SHOX: variants seen among roughly 807,000 people sequenced by gnomAD.
SHOX encodes short stature homeobox protein.
Under a neutral mutation model 29.6 loss-of-function variants are expected in SHOX, and 12 were observed. The observed-to-expected ratio is 0.41, with a 90% CI of 0.26 to 0.66. The LOEUF is 0.66. Among genes scored for constraint, SHOX ranks in the 30% least tolerant of loss-of-function variants. The pLI is 0.35. For missense variants in SHOX, 499 were observed against 437.7 expected, an observed-to-expected ratio of 1.14 and a Z score of -1.25; for synonymous variants, 214 against 200.6, an observed-to-expected ratio of 1.07 and a Z score of -0.57.
At chrX:640,720 A>T (rs1394361924) in intron 2 of SHOX, 101 bp from the exon 3 acceptor site, 7 of 1,317,648 alleles carry the variant, frequency 5.3e-6, no homozygotes, top group Non-Finnish European at 7.7e-6. Flanking sequence ...CAGCTCCCAG[A>T]GGTGCAAAGT....
At chrX:655,596 CTCTCTCTCTCTCTCTCTCTATATATATA>C (rs1347890192), downstream of SHOX, among the ~76,000 whole-genome samples, 83 of 68,770 alleles carry the variant, frequency 1.2e-3, no homozygotes, top group Middle Eastern at 6.7e-3. Context: ...CTCTCTCTCT[CTCTCTCTCTCTCTCTCTCTATATATATA>C]TATATATATA....
At chrX:630,313 C>CT (rs757518095), upstream of SHOX, among the ~76,000 whole-genome samples, 7 of 150,960 alleles carry the variant, frequency 4.6e-5, no homozygotes, top group African/African-American at 1.7e-4. Flanking sequence ...CCGGATCCCC[C>CT]CCTCGCCATC....
At position 648,586 on chromosome X, in the gene SHOX, G is replaced by C. The variant is rs28483025; in HGVS notation, c.*3950G>C. 0.34 allele frequency among the ~76,000 whole-genome samples: 52,271 copies of C among 152,030 alleles called. 9,153 individuals are homozygous for C. The highest frequency in any genetic ancestry group is 0.41 in the Middle Eastern group (120 of 292). On this transcript the variant is annotated 3_prime_UTR_variant, in exon 5 of 5. Coordinates refer to ENST00000686671, the MANE Select transcript of SHOX (RefSeq NM_000451.4). ...TCTCAACTGTGCGGGGACGGTTTCA[G>C]TTTGATTTAATATGGAAAGAGGGCC... is the stretch of plus-strand genomic sequence containing the variant.
intron 2 of SHOX, 134 bp downstream of exon 2, chrX:634,960 A>ACG: frequency 1.1e-6 from 1 of 940,012 alleles, no homozygotes; most frequent in Non-Finnish European, 1.6e-6. Flanking sequence ...TGGGTGAGGG[A>ACG]CGGGCTGGGG....
rs1263787134 is a variant in SHOX at position 630,889 on chromosome X, GC to G, written c.-5del. On this transcript the variant is annotated 5_prime_UTR_variant, in exon 1 of 5. Coordinates refer to ENST00000686671, the MANE Select transcript of SHOX (RefSeq NM_000451.4). The stretch of plus-strand genomic sequence containing the variant: ...CAGCCCCGGCTGCTCGCCAGCCCCG[GC>G]CCCAGCCATGGAAGAGCTCACGGCT... The G allele has an allele frequency of 6.2e-7, 1 of 1,612,620 alleles. No individual in the cohort carries two copies. The highest frequency in any genetic ancestry group is 1.3e-5 in the African/African-American group (1 of 74,914).
At chrX:635,955 G>C (rs1368844697) in intron 2 of SHOX, among the ~76,000 whole-genome samples, 1 of 151,844 alleles carries the variant, frequency 6.6e-6, no homozygotes, top group East Asian at 1.9e-4. Flanking sequence ...ACCAGAGAGA[G>C]AACCGTGACA....
intron 4 of SHOX, among the ~76,000 whole-genome samples, chrX:641,328 G>A (rs777789008): frequency 1.7e-4 from 26 of 152,270 alleles, no homozygotes; most frequent in African/African-American, 6.0e-4. Flanking sequence ...TTGGGAGGCT[G>A]AGGAGGGTGC....
chrX:644,244 G>T, intron 4 of SHOX, 147 bp from the exon 5 acceptor site: 1 of 1,050,994 alleles, frequency 9.5e-7, no homozygotes, highest in South Asian at 2.0e-5. Flanking sequence ...AGGAGGAAAG[G>T]CGGGTGTGGG....
intron 2 of SHOX, among the ~76,000 whole-genome samples, chrX:637,149 C>T (rs186104066): frequency 6.6e-6 from 1 of 151,896 alleles, no homozygotes; most frequent in East Asian, 1.9e-4. Flanking sequence ...CTGTGTCCCT[C>T]CTTAGGGCGT....
chrX:641,259 G>T (rs1202984236), intron 4 of SHOX, among the ~76,000 whole-genome samples, 172 bp downstream of exon 4: 4 of 152,174 alleles, frequency 2.6e-5, no homozygotes, highest in Non-Finnish European at 5.9e-5. Context: ...CAGGCACCTT[G>T]GCACCTATGA....
chrX:628,625 C>CTG (rs1379956489), upstream of SHOX, among the ~76,000 whole-genome samples: 15 of 30,966 alleles, frequency 4.8e-4, no homozygotes, highest in East Asian at 1.4e-3. Context: ...CTGTCTCTCC[C>CTG]TGTGTTTCTC....
intron 1 of SHOX, among the ~76,000 whole-genome samples, chrX:633,488 TG>T (rs1403235860): frequency 1.3e-5 from 1 of 76,384 alleles, no homozygotes; most frequent in Non-Finnish European, 2.6e-5. Flanking sequence ...CGGGGTGGGG[TG>T]GGAGGGCCCT....
upstream of SHOX, among the ~76,000 whole-genome samples, chrX:628,398 C>T (rs111163175): frequency 0.014 from 877 of 62,902 alleles, no homozygotes; most frequent in Middle Eastern, 0.045. Flanking sequence ...TCTGTCTCTC[C>T]CTTTCTCTCT....
downstream of SHOX, among the ~76,000 whole-genome samples, chrX:655,362 C>T (rs1387771282): frequency 3.3e-5 from 5 of 151,980 alleles, no homozygotes; most frequent in South Asian, 6.2e-4. Flanking sequence ...CTGCCTCAGC[C>T]TCCCAAAGTG....
intron 4 of SHOX, among the ~76,000 whole-genome samples, chrX:642,879 C>T (rs1192105628): frequency 1.5e-4 from 23 of 151,022 alleles, no homozygotes; most frequent in African/African-American, 5.6e-4. Context: ...ATCTGTTGTC[C>T]TGGGAGAGGC....
At chrX:639,530 A>C (rs2052812942) in intron 2 of SHOX, among the ~76,000 whole-genome samples, 1 of 152,172 alleles carries the variant, frequency 6.6e-6, no homozygotes, top group East Asian at 1.9e-4. Context: ...CTAAAGTCTG[A>C]AGGTGGAAAC....
In SHOX at chrX:644,533, C is replaced by G. The variant is rs1569495211; in HGVS notation, c.776C>G (p.Ala259Gly). 1.3e-6 allele frequency: 2 copies of G among 1,517,764 alleles called. No individual in the cohort carries two copies. Among genetic ancestry groups the G allele is most frequent in the South Asian group, 1.2e-5 (1 of 82,112 alleles). The allele number at this position is 1,517,764 out of a possible 1,614,324, so 94.0% of individuals were successfully genotyped here. Residue 259 changes from alanine (A) to glycine (G), a missense_variant, in exon 5 of 5, where the codon GCC becomes GGC. Transcript: ENST00000686671. ...PIASLAESAS[A>G]AAVVAAAAKS... ...GCGTCGCTGGCCGAGTCCGCCTCGG[C>G]CGCCGCCGTGGTCGCCGCCGCCGCC...
Position 649,379 on chromosome X carries a change from A to T in SHOX, c.*4743A>T, listed in dbSNP as rs1265126370. 2.6e-5 allele frequency among the ~76,000 whole-genome samples: 4 copies of T among 152,090 alleles called. No individual in the cohort carries two copies. The highest frequency in any genetic ancestry group is 5.9e-5 in the Non-Finnish European group (4 of 68,028). On this transcript the variant is annotated 3_prime_UTR_variant, in exon 5 of 5. Coordinates refer to ENST00000686671, the MANE Select transcript of SHOX (RefSeq NM_000451.4). ...GAGATGTTTAGGAAGGACTGGGCTG[A>T]TGGGGACCCTCTGTATGTGATGTGC... is the stretch of plus-strand genomic sequence containing the variant.
rs902991555 is a variant in SHOX at position 651,261 on chromosome X, G to A, written c.*6625G>A. 6.6e-6 allele frequency: 3 copies of A among 454,146 alleles called. No individual in the cohort carries two copies. Among genetic ancestry groups the A allele is most frequent in the East Asian group, 7.0e-5 (1 of 14,352 alleles). 28.1% of individuals were successfully genotyped at this position (454,146 alleles called of 1,614,324 possible). On this transcript the variant is annotated 3_prime_UTR_variant, in exon 5 of 5. Transcript: ENST00000686671. Reference sequence around the variant, plus strand: ...TGACGACATAGCGGCCCCCGCGTCCGGGTTACAAATACATCTACAGATATT... The same window carrying A: ...TGACGACATAGCGGCCCCCGCGTCCAGGTTACAAATACATCTACAGATATT...
Sources: gnomAD v4.1 joint callset for allele counts (sites outside exome capture counted in the v4.1 genomes callset) on GRCh38, gnomAD v4.1.1 for gene constraint, MANE v1.5 for transcripts, NCBI Gene and HGNC (gene_info 2026-07-23, HGNC 2026-07-21) for gene names.